NXN: variants seen among roughly 807,000 people sequenced by gnomAD.
NXN encodes nucleoredoxin, also known as nucleoredoxin 1.
NXN carries 16 observed loss-of-function variants against 48.6 expected under a neutral mutation model. The observed-to-expected ratio is 0.33, with a 90% confidence interval of 0.22 to 0.50. NXN has a LOEUF of 0.50. Among genes scored for constraint, NXN ranks in the 20% least tolerant of loss-of-function variants. NXN has a pLI of 0.98. For missense variants in NXN, 492 were observed against 605.5 expected, an observed-to-expected ratio of 0.81 and a Z score of 1.97; for synonymous variants, 281 against 269.6, an observed-to-expected ratio of 1.04 and a Z score of -0.41.
chr17:800,836 G>A lies in NXN; in HGVS notation c.*113C>T. 1.6e-6 allele frequency: 1 copy of A among 630,830 alleles called. No homozygotes were observed. Among genetic ancestry groups the A allele is most frequent in the Non-Finnish European group, 2.4e-6 (1 of 419,046 alleles). The allele number at this position is 630,830 out of a possible 1,614,324, so 39.1% of individuals were successfully genotyped here. On this transcript the variant is annotated 3_prime_UTR_variant, in exon 8 of 8. Transcript: ENST00000336868. ...GAAACAAGGCACCACAGAGAGGCTG[G>A]ACACTTGGGTGGTGGGATTCGGGGC...
At chr17:913,809 C>T (rs1462806846) in intron 1 of NXN, among the ~76,000 whole-genome samples, 1 of 152,240 alleles carries the variant, frequency 6.6e-6, no homozygotes, top group African/African-American at 2.4e-5. Context: ...TTTCCATCTA[C>T]ACTGGCATAA....
intron 1 of NXN, among the ~76,000 whole-genome samples, chr17:831,070 A>T (rs964135214): frequency 2.0e-5 from 3 of 152,174 alleles, no homozygotes; most frequent in African/African-American, 7.2e-5. Context: ...TTGAGAGCGA[A>T]AACTGCAAGA....
intron 1 of NXN, among the ~76,000 whole-genome samples, chr17:926,809 T>C (rs1324277008): frequency 1.3e-5 from 2 of 152,064 alleles, no homozygotes; most frequent in African/African-American, 4.8e-5. Context: ...CCCAAAGAGC[T>C]GGGATTCCAG....
chr17:934,984 T>A (rs1040347012), intron 1 of NXN, among the ~76,000 whole-genome samples: 3 of 151,724 alleles, frequency 2.0e-5, no homozygotes, highest in East Asian at 1.9e-4. Context: ...CTCTTTATTT[T>A]TTTTTATTTA....
rs1222174379 is a variant in NXN, at chr17:800,001, A to C, written c.*948T>G. 2 of 152,432 alleles carry C rather than the reference A, an allele frequency of 1.3e-5. No homozygotes were observed. The highest frequency in any genetic ancestry group is 4.8e-5 in the African/African-American group (2 of 41,466). The allele number at this position is 152,432 out of a possible 1,614,324, so 9.4% of individuals were successfully genotyped here. ...TACGGTGGCGGGTGCCTGTAATCCC[A>C]GCTACTCGGGAGGCTGAGGCAGGAG... is the stretch of plus-strand genomic sequence containing the variant. On this transcript the variant is annotated 3_prime_UTR_variant, in exon 8 of 8. Coordinates refer to ENST00000336868, the MANE Select transcript of NXN (RefSeq NM_022463.5).
At chr17:894,094 G>T (rs2068453481) in intron 1 of NXN, among the ~76,000 whole-genome samples, 1 of 128,966 alleles carries the variant, frequency 7.8e-6, no homozygotes, top group African/African-American at 3.1e-5. Flanking sequence ...CTGGAAGCCA[G>T]AGGAAGCATC....
intron 1 of NXN, among the ~76,000 whole-genome samples, chr17:964,277 G>A (rs909903818): frequency 6.6e-6 from 1 of 152,132 alleles, no homozygotes; most frequent in Non-Finnish European, 1.5e-5. Flanking sequence ...ACCGTGTTTT[G>A]TTGTAAGGAT....
At chr17:952,906 C>T (rs572573067) in intron 1 of NXN, among the ~76,000 whole-genome samples, 3 of 152,100 alleles carry the variant, frequency 2.0e-5, no homozygotes, top group Non-Finnish European at 4.4e-5. Flanking sequence ...GGAGGAATGA[C>T]GGCCAGCAGA....
At chr17:970,769 T>C (rs2069366303) in intron 1 of NXN, among the ~76,000 whole-genome samples, 1 of 152,184 alleles carries the variant, frequency 6.6e-6, no homozygotes, top group South Asian at 2.1e-4. Context: ...TGCTCTTTGC[T>C]TCAATTCTCC....
intron 1 of NXN, among the ~76,000 whole-genome samples, chr17:884,777 G>A (rs1401476848): frequency 6.6e-6 from 1 of 152,188 alleles, no homozygotes; most frequent in African/African-American, 2.4e-5. Context: ...TAAGCTAAAC[G>A]GAGCTGAAGA....
intron 1 of NXN, chr17:864,135 G>A: frequency 3.5e-6 from 5 of 1,435,666 alleles, no homozygotes; most frequent in Admixed American, 2.2e-5. Context: ...TCCGGTGAAG[G>A]GGCACGTTCA....
chr17:890,216 T>C (rs2068401041), intron 1 of NXN, among the ~76,000 whole-genome samples: 1 of 151,966 alleles, frequency 6.6e-6, no homozygotes, highest in Non-Finnish European at 1.5e-5. Flanking sequence ...CAAATGCTGT[T>C]CTCGATGATC....
At chr17:801,591 G>A (rs146966639) in intron 7 of NXN, among the ~76,000 whole-genome samples, 2,692 of 151,382 alleles carry the variant, frequency 0.018, 78 homozygotes, top group African/African-American at 0.06. Flanking sequence ...GACTACAGGC[G>A]CCCACCACGC....
intron 1 of NXN, among the ~76,000 whole-genome samples, chr17:881,916 G>C (rs563424576): frequency 1.1e-4 from 16 of 152,284 alleles, no homozygotes; most frequent in African/African-American, 3.8e-4. Flanking sequence ...CTAAATTACA[G>C]TGACAGAAAA....
intron 1 of NXN, among the ~76,000 whole-genome samples, chr17:828,288 G>A (rs1597637192): frequency 6.6e-6 from 1 of 151,756 alleles, no homozygotes; most frequent in East Asian, 1.9e-4. Context: ...ATTTTTAGTA[G>A]AGACGGGGTT....
At chr17:868,845 C>T (rs1035622453) in intron 1 of NXN, among the ~76,000 whole-genome samples, 3 of 152,278 alleles carry the variant, frequency 2.0e-5, no homozygotes, top group Middle Eastern at 3.4e-3. Flanking sequence ...GACCCTGGGC[C>T]GGGCCCACCA....
At chr17:840,601 A>G (rs1426651262) in intron 1 of NXN, among the ~76,000 whole-genome samples, 1 of 152,074 alleles carries the variant, frequency 6.6e-6, no homozygotes, top group African/African-American at 2.4e-5. Context: ...GGCCTCCCAA[A>G]GTGCTGGGAT....
chr17:966,703 G>A (rs1277830809), intron 1 of NXN, among the ~76,000 whole-genome samples: 1 of 151,476 alleles, frequency 6.6e-6, no homozygotes, highest in Non-Finnish European at 1.5e-5. Flanking sequence ...CGTGGCCCAG[G>A]GAGGCCAAAA....
chr17:897,240 C>T (rs1043598503), intron 1 of NXN, among the ~76,000 whole-genome samples: 1 of 152,226 alleles, frequency 6.6e-6, no homozygotes, highest in South Asian at 2.1e-4. Flanking sequence ...GCTGTTCCCA[C>T]CCTCCAGTGA....
Sources: allele counts gnomAD v4.1 joint callset (sites outside exome capture counted in the v4.1 genomes callset), GRCh38; gene constraint gnomAD v4.1.1; transcripts MANE v1.5; gene names NCBI Gene and HGNC (gene_info 2026-07-23, HGNC 2026-07-21).